VIRMA: variants seen among roughly 807,000 people sequenced by gnomAD.
VIRMA encodes the protein protein virilizer homolog.
VIRMA carries 65 observed loss-of-function variants against 182.4 expected under a neutral mutation model. That is an observed-to-expected ratio of 0.36 (90% CI 0.29 to 0.44). VIRMA has a LOEUF of 0.44. Ranked by LOEUF, VIRMA falls within the 20% of genes least tolerant of loss-of-function variation. VIRMA has a pLI of 1.00. For missense variants in VIRMA, 1,752 were observed against 2,158.1 expected (o/e 0.81, Z 3.73); for synonymous variants, 709 against 743.1 (o/e 0.95, Z 0.75).
At position 94,488,423 on chromosome 8, in the gene VIRMA, T is replaced by C; in HGVS notation, c.*283A>G. 1 of 284,238 alleles carries C rather than the reference T, an allele frequency of 3.5e-6. No individual in the cohort carries two copies. Among genetic ancestry groups the C allele is most frequent in the South Asian group, 6.2e-5 (1 of 16,046 alleles). The allele number at this position is 284,238 out of a possible 1,614,324, so 17.6% of individuals were successfully genotyped here. On this transcript the variant is annotated 3_prime_UTR_variant, in exon 24 of 24. Transcript: ENST00000297591. Reference sequence around the variant, plus strand: ...AGCTGAGAAAGTTTGAGAATATCTGTGCTATAGGCAAGAAAAATACAAAAC... The same window carrying C: ...AGCTGAGAAAGTTTGAGAATATCTGCGCTATAGGCAAGAAAAATACAAAAC...
rs199554990 is a variant in VIRMA at position 94,527,352 on chromosome 8, A to G, written c.892T>C (p.Tyr298His). ...TCTTCATCACTGGAAATTTGTTCAT[A>G]ACCATCATCCCCTGAAAATTAGTAT... ...EDEEGEGDDG[Y>H]EQISSDEDGI... is the part of the protein sequence containing the mutation. Residue 298 changes from tyrosine (Y) to histidine (H), a missense_variant, in exon 8 of 24, where the codon TAT becomes CAT. Coordinates refer to ENST00000297591, the MANE Select transcript of VIRMA (RefSeq NM_015496.5). 1 of 1,569,742 alleles carries G rather than the reference A, an allele frequency of 6.4e-7. No individual in the cohort carries two copies. Among genetic ancestry groups the G allele is most frequent in the Non-Finnish European group, 8.7e-7 (1 of 1,154,872 alleles).
At chr8:94,538,987 G>A (rs531255382) in intron 2 of VIRMA, among the ~76,000 whole-genome samples, 4 of 151,716 alleles carry the variant, frequency 2.6e-5, no homozygotes, top group South Asian at 2.1e-4. Context: ...CTGTAGCCTC[G>A]AGCTCCCAGA....
At position 94,519,241 on chromosome 8, in the gene VIRMA, T is replaced by C. The variant is rs7814840; in HGVS notation, c.2257A>G (p.Ile753Val). 566 of 1,614,192 alleles carry C rather than the reference T, an allele frequency of 3.5e-4. No individual in the cohort carries two copies. In the African/African-American group the frequency reaches 6.5e-3, roughly 18 times the overall value. Residue 753 changes from isoleucine to valine, a missense_variant, in exon 9 of 24, where the codon ATT becomes GTT. Transcript: ENST00000297591. ...EEEGLQSDGV[I>V]DDAFALWLQD... The stretch of plus-strand genomic sequence containing the variant: ...AGCCACAAGGCAAATGCATCATCAA[T>C]AACACCATCAGATTGGAGACCTTCC...
At chr8:94,531,502 C>T (rs1323898462) in intron 5 of VIRMA, among the ~76,000 whole-genome samples, 4 of 152,148 alleles carry the variant, frequency 2.6e-5, no homozygotes, top group African/African-American at 4.8e-5. Context: ...TTAATAACAT[C>T]GGAATTTCTG....
Position 94,526,964 on chromosome 8 carries a change from G to A in VIRMA, c.1280C>T (p.Ser427Phe), listed in dbSNP as rs113939516. ...GGTCCAGTCTACCAACTGGCCAAGG[G>A]AGTCTTGTTTTGTGTTTTTCAATTG... ...YLQLKNTKQD[S>F]LGQLVDWTMQ... The change falls in exon 8 of 24, where the codon TCC (serine) becomes TTC (phenylalanine). Residue 427 changes from serine to phenylalanine, a missense_variant. By Grantham distance (155) the Ser-to-Phe change is radical (BLOSUM62 -2). This residue lies in a region of VIRMA where 401 missense variants were observed against 455.1 expected (regional missense o/e 0.88). Transcript: ENST00000297591. 1.3e-5 allele frequency: 21 copies of A among 1,614,096 alleles called. No homozygotes were observed. The highest frequency in any genetic ancestry group is 1.7e-5 in the Non-Finnish European group (20 of 1,180,050).
intron 5 of VIRMA, among the ~76,000 whole-genome samples, chr8:94,533,058 T>C (rs1815224551): frequency 1.3e-5 from 2 of 151,778 alleles, no homozygotes; most frequent in South Asian, 2.1e-4. Context: ...AATCAGTAAA[T>C]TGAACAAATT....
rs1813777738 is a variant in VIRMA, at chr8:94,496,416, C to T, written c.4295G>A (p.Ser1432Asn). 1.9e-6 allele frequency: 3 copies of T among 1,613,458 alleles called. No individual in the cohort carries two copies. The highest frequency in any genetic ancestry group is 8.5e-7 in the Non-Finnish European group (1 of 1,179,554). The change falls in exon 18 of 24, where the codon AGT (serine) becomes AAT (asparagine). Residue 1432 changes from serine to asparagine, a missense_variant. By Grantham distance (46) the Ser-to-Asn change is conservative. Coordinates refer to ENST00000297591, the MANE Select transcript of VIRMA (RefSeq NM_015496.5). Reference sequence around the variant, plus strand: ...CTGTTTTAACTCTGCAGCATTAATACTCATCGTCCGTGATGTATGAGCTCC... The same window carrying T: ...CTGTTTTAACTCTGCAGCATTAATATTCATCGTCCGTGATGTATGAGCTCC... The part of the protein sequence containing the change: ...VEGAHTSRTM[S>N]INAAELKQLL...
At chr8:94,511,164 C>T in intron 13 of VIRMA, 21 bp downstream of exon 13, 1 of 1,601,190 alleles carries the variant, frequency 6.2e-7, no homozygotes, top group Non-Finnish European at 8.5e-7. Context: ...TTATAAGATG[C>T]ATGTTATATG....
Position 94,488,478 on chromosome 8 carries a change from T to C in VIRMA, c.*228A>G. The C allele has an allele frequency of 2.5e-6, 1 of 393,476 alleles. No homozygotes were observed. The allele number at this position is 393,476 out of a possible 1,614,324, so 24.4% of individuals were successfully genotyped here. Reference sequence around the variant, plus strand: ...TTTAGTTTTTCACCTAGAAATTTTCTAAATAAATAGTCATACAAAAAAGGG... The same window carrying C: ...TTTAGTTTTTCACCTAGAAATTTTCCAAATAAATAGTCATACAAAAAAGGG... On this transcript the variant is annotated 3_prime_UTR_variant, in exon 24 of 24. Transcript: ENST00000297591.
chr8:94,511,761 T>G (rs1814385097), intron 12 of VIRMA, 32 bp from the exon 13 acceptor site: 1 of 1,450,608 alleles, frequency 6.9e-7, no homozygotes, highest in Non-Finnish European at 9.5e-7. Flanking sequence ...GAAACAAAAC[T>G]AATTACTTAT....
intron 8 of VIRMA, 132 bp from the exon 9 acceptor site, chr8:94,519,608 G>A: frequency 1.2e-6 from 1 of 866,156 alleles, no homozygotes. Context: ...TGCTTTAACT[G>A]AAAACATAAT....
Position 94,526,926 on chromosome 8 carries a change from T to G in VIRMA, c.1318A>C (p.Asn440His), listed in dbSNP as rs1211047865. The G allele has an allele frequency of 1.9e-6, 3 of 1,614,108 alleles. No homozygotes were observed. Among genetic ancestry groups the G allele is most frequent in the Non-Finnish European group, 2.5e-6 (3 of 1,180,042 alleles). Residue 440 changes from asparagine to histidine, a missense_variant, in exon 8 of 24, where the codon AAT (asparagine) becomes CAT (histidine). Around this residue, in one of 11 missense-constraint regions of VIRMA, gnomAD observed 401 missense variants for 455.1 expected, o/e 0.88. Transcript: ENST00000297591. ...QLVDWTMQALNLQVALRQPIA... is the reference protein window; with the variant it reads ...QLVDWTMQALHLQVALRQPIA... Reference sequence around the variant, plus strand: ...GGTTGGCGAAGCGCTACTTGTAAATTTAAAGCTTGCATGGTCCAGTCTACC... The same window carrying G: ...GGTTGGCGAAGCGCTACTTGTAAATGTAAAGCTTGCATGGTCCAGTCTACC...
chr8:94,503,857 A>G (rs1436279742), intron 16 of VIRMA, among the ~76,000 whole-genome samples: 2 of 151,046 alleles, frequency 1.3e-5, no homozygotes, highest in African/African-American at 4.9e-5. Context: ...GTGACCTGTT[A>G]ATTTAAAAAA....
At chr8:94,543,706 T>C in intron 2 of VIRMA, 121 bp downstream of exon 2, 1 of 626,408 alleles carries the variant, frequency 1.6e-6, no homozygotes, top group South Asian at 2.0e-5. Context: ...AGCATAACCA[T>C]AATTGAATAG....
At chr8:94,539,469 C>A (rs1463919342) in intron 2 of VIRMA, among the ~76,000 whole-genome samples, 1 of 152,126 alleles carries the variant, frequency 6.6e-6, no homozygotes, top group Non-Finnish European at 1.5e-5. Flanking sequence ...TACCATAGCA[C>A]CCTTGGTTGA....
Position 94,527,243 on chromosome 8 carries a change from G to C in VIRMA, c.1001C>G (p.Pro334Arg). ...EYTAEDLASV[P>R]PMTYDPYDRE... ...GTCATATGGATCATATGTCATAGGA[G>C]GAACTGAAGCTAAGTCTTCAGCAGT... is the stretch of plus-strand genomic sequence containing the variant. Residue 334 changes from proline to arginine, a missense_variant, in exon 8 of 24, where the codon CCT becomes CGT. Physicochemically the swap from Pro to Arg is moderately radical, Grantham distance 103. This residue lies in a region of VIRMA where 401 missense variants were observed against 455.1 expected (regional missense o/e 0.88). Transcript: ENST00000297591. 6.2e-7 allele frequency: 1 copy of C among 1,613,956 alleles called. No homozygotes were observed. Among genetic ancestry groups the C allele is most frequent in the Non-Finnish European group, 8.5e-7 (1 of 1,179,870 alleles).
intron 18 of VIRMA, 61 bp from the exon 19 acceptor site, chr8:94,495,952 T>G: frequency 7.0e-7 from 1 of 1,437,876 alleles, no homozygotes; most frequent in Non-Finnish European, 9.5e-7. Context: ...GTAAACCTAC[T>G]GACTCTTTCG....
chr8:94,531,618 A>G (rs907119645), intron 5 of VIRMA, among the ~76,000 whole-genome samples: 3 of 152,242 alleles, frequency 2.0e-5, no homozygotes, highest in Non-Finnish European at 4.4e-5. Context: ...AAATTTTGCT[A>G]ATTAATCTAT....
intron 11 of VIRMA, 152 bp downstream of exon 11, chr8:94,514,717 T>C (rs555374693): frequency 4.0e-6 from 2 of 506,272 alleles, no homozygotes; most frequent in African/African-American, 3.8e-5. Context: ...TCCATCTATA[T>C]GCATATACCA....
Sources: allele counts gnomAD v4.1 joint callset (sites outside exome capture counted in the v4.1 genomes callset), GRCh38; gene constraint gnomAD v4.1.1; regional missense constraint gnomAD v4.1.1; transcripts MANE v1.5; gene names NCBI Gene and HGNC (gene_info 2026-07-23, HGNC 2026-07-21).